The following TSPAN12 variants were observed in gnomAD, a reference collection of about 807,000 sequenced individuals.
TSPAN12 encodes tetraspanin 12, also known as tetraspanin-12.
In TSPAN12, 19 loss-of-function variants were observed where a neutral mutation model predicts 39.2. The observed-to-expected ratio is 0.49, with a 90% confidence interval of 0.34 to 0.71. The LOEUF is 0.71. TSPAN12 is among the 30% of genes least tolerant of loss of function. The probability of loss-of-function intolerance (pLI) is 0.01; values close to 1 mark genes in which losing one functional copy is unlikely to be tolerated. For synonymous variants in TSPAN12, 119 were observed against 124.8 expected, an observed-to-expected ratio of 0.95 and a Z score of 0.31; for missense variants, 314 against 359.9, an observed-to-expected ratio of 0.87 and a Z score of 1.03.
chr7:120,815,151 C>T (rs1366504559), intron 5 of TSPAN12, among the ~76,000 whole-genome samples: 1 of 151,976 alleles, frequency 6.6e-6, no homozygotes, highest in Non-Finnish European at 1.5e-5. Context: ...ACAGAGTATA[C>T]CAAATAAAAT....
rs1019599323 is a variant in TSPAN12, at chr7:120,788,263, C to T, written c.*329G>A. 18 of 355,456 alleles carry T rather than the reference C, an allele frequency of 5.1e-5. No homozygotes were observed. The highest frequency in any genetic ancestry group is 9.0e-5 in the Non-Finnish European group (17 of 189,638). The allele number at this position is 355,456 out of a possible 1,614,324, so 22.0% of individuals were successfully genotyped here. Reference sequence around the variant, plus strand: ...AACCTTTACTATGGCTCCAGTCCCACCATATGTGACTCGTTTGCATGGATG... The same window carrying T: ...AACCTTTACTATGGCTCCAGTCCCATCATATGTGACTCGTTTGCATGGATG... On this transcript the variant is annotated 3_prime_UTR_variant, in exon 8 of 8. Transcript: ENST00000222747.
intron 5 of TSPAN12, among the ~76,000 whole-genome samples, chr7:120,812,326 T>C (rs1441621605): frequency 6.6e-6 from 1 of 152,146 alleles, no homozygotes. Context: ...ACACACAGTA[T>C]TAAGGCAACT....
At chr7:120,837,693 C>T (rs1794505028) in intron 4 of TSPAN12, among the ~76,000 whole-genome samples, 1 of 152,186 alleles carries the variant, frequency 6.6e-6, no homozygotes, top group Admixed American at 6.5e-5. Context: ...CTAAGTAATA[C>T]ATTAACACAG....
chr7:120,823,056 T>C (rs1202882979), intron 4 of TSPAN12, among the ~76,000 whole-genome samples: 1 of 152,150 alleles, frequency 6.6e-6, no homozygotes, highest in East Asian at 1.9e-4. Flanking sequence ...TCCAGGCATA[T>C]AGGCTTTAAA....
chr7:120,828,599 T>G (rs891593679), intron 4 of TSPAN12, among the ~76,000 whole-genome samples: 6 of 151,794 alleles, frequency 4.0e-5, no homozygotes, highest in Admixed American at 1.3e-4. Flanking sequence ...CAGGTCCCTT[T>G]GTTAAATGTT....
chr7:120,811,884 C>G (rs1442425866), intron 5 of TSPAN12, among the ~76,000 whole-genome samples: 1 of 151,870 alleles, frequency 6.6e-6, no homozygotes, highest in East Asian at 1.9e-4. Context: ...ATACAATGGA[C>G]TTTGGGGACT....
intron 4 of TSPAN12, among the ~76,000 whole-genome samples, chr7:120,831,447 A>G (rs1379810498): frequency 6.6e-6 from 1 of 152,044 alleles, no homozygotes; most frequent in Non-Finnish European, 1.5e-5. Flanking sequence ...TATATACAAC[A>G]GAATACTATA....
intron 7 of TSPAN12, among the ~76,000 whole-genome samples, chr7:120,804,447 G>A (rs1767890519): frequency 6.6e-6 from 1 of 152,066 alleles, no homozygotes; most frequent in Non-Finnish European, 1.5e-5. Context: ...AGAACCTACA[G>A]ACACTAACCT....
chr7:120,853,505 T>C lies in TSPAN12; in HGVS notation c.66+3193A>G, dbSNP rs1441516106. ...ATATATATATATATACACACACATATTTATATTTAGACATATATTTATATT... is the reference window on the plus strand; with the variant it reads ...ATATATATATATATACACACACATACTTATATTTAGACATATATTTATATT... On this transcript the variant is annotated intron_variant, in intron 2 of 7. Transcript: ENST00000222747. 1.0e-4 allele frequency among the ~76,000 whole-genome samples: 15 copies of C among 145,982 alleles called. No homozygotes were observed. The East Asian group carries it at 3.0e-3, about 29-fold the overall frequency.
chr7:120,834,257 A>C (rs2116448715), intron 4 of TSPAN12, among the ~76,000 whole-genome samples: 2 of 152,334 alleles, frequency 1.3e-5, no homozygotes, highest in Middle Eastern at 6.8e-3. Context: ...CTAAAACATT[A>C]TTTATTGTTT....
intron 1 of TSPAN12, 61 bp from the exon 2 acceptor site, chr7:120,856,894 C>A: frequency 1.0e-6 from 1 of 979,818 alleles, no homozygotes; most frequent in Non-Finnish European, 1.6e-6. Context: ...CCACAGCCTG[C>A]CCGTCCCTCC....
At chr7:120,849,776 T>A (rs1273127052) in intron 2 of TSPAN12, among the ~76,000 whole-genome samples, 9 of 152,224 alleles carry the variant, frequency 5.9e-5, no homozygotes. Flanking sequence ...TTTTTCTGTC[T>A]CCTAGGCATG....
chr7:120,838,335 CT>C (rs1794516682), intron 4 of TSPAN12, among the ~76,000 whole-genome samples: 1 of 152,182 alleles, frequency 6.6e-6, no homozygotes, highest in Non-Finnish European at 1.5e-5. Flanking sequence ...CGCTTATGTT[CT>C]CTAAACTATA....
intron 2 of TSPAN12, among the ~76,000 whole-genome samples, chr7:120,840,688 A>C (rs1293294051): frequency 7.9e-5 from 12 of 152,180 alleles, no homozygotes; most frequent in Non-Finnish European, 1.6e-4. Flanking sequence ...GTCTTTGTAG[A>C]AAGTTGAATA....
At position 120,791,868 on chromosome 7, in the gene TSPAN12, A is replaced by C. The variant is rs1461269515; in HGVS notation, c.613-2971T>G. ...GGGGTCCTTGGAAGTCATGAATTCA[A>C]CTTATTATCTTTTAAAAACATGGCA... On this transcript the variant is annotated intron_variant, in intron 7 of 7. Coordinates refer to ENST00000222747, the MANE Select transcript of TSPAN12 (RefSeq NM_012338.4). Among the ~76,000 whole-genome samples, 3 of 152,288 alleles carry C rather than the reference A, an allele frequency of 2.0e-5. No homozygotes were observed. In the South Asian group the frequency reaches 6.2e-4, roughly 32 times the overall value.
intron 7 of TSPAN12, among the ~76,000 whole-genome samples, chr7:120,794,840 T>C (rs765107269): frequency 7.2e-5 from 11 of 152,226 alleles, no homozygotes; most frequent in African/African-American, 1.2e-4. Context: ...AAATTCTTCA[T>C]TGAAATAGCT....
chr7:120,803,489 T>C (rs1460815695), intron 7 of TSPAN12, among the ~76,000 whole-genome samples: 2 of 152,310 alleles, frequency 1.3e-5, no homozygotes, highest in African/African-American at 4.8e-5. Context: ...TATTTTTAAT[T>C]ATGGATTTAA....
chr7:120,805,127 A>G (rs1793846323), intron 7 of TSPAN12, among the ~76,000 whole-genome samples: 1 of 151,646 alleles, frequency 6.6e-6, no homozygotes. Context: ...AATACTTGGC[A>G]CTCTCCTTTG....
In TSPAN12 at chr7:120,834,536, G is replaced by C. The variant is rs1794442718; in HGVS notation, c.285+4241C>G. 4.6e-5 allele frequency among the ~76,000 whole-genome samples: 7 copies of C among 152,182 alleles called. No individual in the cohort carries two copies. In the South Asian group the frequency reaches 1.5e-3, roughly 32 times the overall value. On this transcript the variant is annotated intron_variant, in intron 4 of 7. Coordinates refer to ENST00000222747, the MANE Select transcript of TSPAN12 (RefSeq NM_012338.4). ...TTCTTGATCAGTCTGTTGAATAATG[G>C]CATTTTTACTTTTGCTTGAACAGCA...
Sources: gnomAD v4.1 joint callset for allele counts (sites outside exome capture counted in the v4.1 genomes callset) on GRCh38, gnomAD v4.1.1 for gene constraint, MANE v1.5 for transcripts, NCBI Gene and HGNC (gene_info 2026-07-23, HGNC 2026-07-21) for gene names.